PRORP: variants seen among roughly 807,000 people sequenced by gnomAD.
The protein encoded by PRORP is mitochondrial ribonuclease P catalytic subunit.
A neutral mutation model predicts 59.4 loss-of-function variants in PRORP; 51 were observed. That is an observed-to-expected ratio of 0.86 (90% CI 0.69 to 1.08). The LOEUF is 1.08. PRORP is among the 50% of genes least tolerant of loss of function. PRORP has a pLI of 0.00. For synonymous variants in PRORP, 231 were observed against 245.6 expected (o/e 0.94, Z 0.55); for missense variants, 646 against 690.3 (o/e 0.94, Z 0.72).
At chr14:35,141,456 C>CG in intron 4 of PRORP, among the ~76,000 whole-genome samples, 1 of 143,732 alleles carries the variant, frequency 7.0e-6, no homozygotes, top group African/African-American at 2.4e-5. Flanking sequence ...TCTGTAGAGA[C>CG]GGGGTCTCAC....
intron 5 of PRORP, chr14:35,235,075 A>G: frequency 2.4e-6 from 1 of 413,042 alleles, no homozygotes; most frequent in South Asian, 2.0e-5. Context: ...TTTCAATGTT[A>G]CCAGTAACCT....
rs946884319 is a variant in PRORP, at chr14:35,233,286, T to G, written c.1276-33441T>G. On this transcript the variant is annotated intron_variant, in intron 5 of 7. Transcript: ENST00000534898. ...GGCATTGCATAACTCTAGAGTATTA[T>G]TTTTCTACATCTCTCTTCCTAATAA... Among the ~76,000 whole-genome samples the G allele has an allele frequency of 9.3e-5, 14 of 150,098 alleles. 1 individual carries two copies. Among genetic ancestry groups the G allele is most frequent in the African/African-American group, 3.4e-4 (14 of 40,816 alleles).
intron 4 of PRORP, among the ~76,000 whole-genome samples, chr14:35,173,451 G>T (rs1478274140): frequency 6.6e-6 from 1 of 151,980 alleles, no homozygotes; most frequent in Non-Finnish European, 1.5e-5. Flanking sequence ...TTTTTTGCTG[G>T]GCTTCTTGGA....
At chr14:35,168,986 A>G (rs891385670) in intron 4 of PRORP, among the ~76,000 whole-genome samples, 1 of 147,468 alleles carries the variant, frequency 6.8e-6, no homozygotes, top group Non-Finnish European at 1.5e-5. Context: ...TATTTCTTTG[A>G]TTTCTGCTTA....
At position 35,275,883 on chromosome 14, in the gene PRORP, T is replaced by G. The variant is rs909298149; in HGVS notation, c.*2317T>G. 1.3e-5 allele frequency: 2 copies of G among 151,550 alleles called. No homozygotes were observed. Among genetic ancestry groups the G allele is most frequent in the African/African-American group, 4.9e-5 (2 of 41,200 alleles). The allele number at this position is 151,550 out of a possible 1,614,324, so 9.4% of individuals were successfully genotyped here. ...GTAACCTTAGAGCATGTAAAGTCCATTTTGGAGATGAGGAACAGACCCAGG... is the reference window on the plus strand; with the variant it reads ...GTAACCTTAGAGCATGTAAAGTCCAGTTTGGAGATGAGGAACAGACCCAGG... On this transcript the variant is annotated 3_prime_UTR_variant, in exon 8 of 8. Transcript: ENST00000534898.
intron 4 of PRORP, among the ~76,000 whole-genome samples, chr14:35,174,304 T>A (rs1335748600): frequency 6.6e-6 from 1 of 152,128 alleles, no homozygotes; most frequent in African/African-American, 2.4e-5. Flanking sequence ...TATCTAGAAT[T>A]TATATTATTA....
intron 4 of PRORP, among the ~76,000 whole-genome samples, chr14:35,130,278 C>T (rs1260359418): frequency 4.6e-5 from 7 of 151,698 alleles, no homozygotes; most frequent in Admixed American, 1.3e-4. Context: ...ATGATTTGCC[C>T]GCCTCGGCCT....
chr14:35,253,098 C>A (rs920118953), intron 5 of PRORP, among the ~76,000 whole-genome samples: 1 of 152,118 alleles, frequency 6.6e-6, no homozygotes, highest in Admixed American at 6.5e-5. Context: ...CTTTGGGAGG[C>A]CAAGGCAGGC....
chr14:35,142,319 A>C lies in PRORP; in HGVS notation c.1167+14708A>C, dbSNP rs955336766. Reference sequence around the variant, plus strand: ...TGTGAGCCACCACACCTGGAAGCTCATCCTGTAAATTATAAATTCATTGCT... The same window carrying C: ...TGTGAGCCACCACACCTGGAAGCTCCTCCTGTAAATTATAAATTCATTGCT... On this transcript the variant is annotated intron_variant, in intron 4 of 7. Transcript: ENST00000534898. 1.4e-5 allele frequency among the ~76,000 whole-genome samples: 2 copies of C among 139,310 alleles called. 1 individual carries two copies. The highest frequency in any genetic ancestry group is 3.1e-5 in the Non-Finnish European group (2 of 63,748). 91.4% of individuals were successfully genotyped at this position (139,310 alleles called of 152,430 possible).
In PRORP at chr14:35,215,577, C is replaced by T. The variant is rs527717037; in HGVS notation, c.1275+34800C>T. The stretch of plus-strand genomic sequence containing the variant: ...GAAACCAGCCTAAGCAACAAAGTGA[C>T]CGTGACTCAAAAAAAAAAATTAAAA... On this transcript the variant is annotated intron_variant, in intron 5 of 7. Transcript: ENST00000534898. 2.6e-5 allele frequency among the ~76,000 whole-genome samples: 4 copies of T among 152,100 alleles called. No homozygotes were observed. In the South Asian group the frequency reaches 8.3e-4, roughly 32 times the overall value.
At chr14:35,192,815 G>A (rs1245815374) in intron 5 of PRORP, among the ~76,000 whole-genome samples, 3 of 151,848 alleles carry the variant, frequency 2.0e-5, no homozygotes, top group East Asian at 1.9e-4. Flanking sequence ...CCAACACGGC[G>A]AAACCCTGTC....
intron 4 of PRORP, among the ~76,000 whole-genome samples, chr14:35,130,404 C>T (rs893251296): frequency 1.3e-5 from 2 of 151,916 alleles, no homozygotes; most frequent in African/African-American, 4.8e-5. Flanking sequence ...TTATAATATA[C>T]TATGTCTTTT....
chr14:35,200,774 CCA>C (rs2049128255), intron 5 of PRORP, among the ~76,000 whole-genome samples: 1 of 151,760 alleles, frequency 6.6e-6, no homozygotes, highest in African/African-American at 2.4e-5. Context: ...CTCATATACC[CCA>C]CACCCAGTTT....
chr14:35,264,140 T>A (rs868029692), intron 5 of PRORP, among the ~76,000 whole-genome samples: 3 of 152,062 alleles, frequency 2.0e-5, no homozygotes, highest in Non-Finnish European at 2.9e-5. Context: ...TTCATTCATT[T>A]TTTTTGAGAT....
chr14:35,181,278 A>G (rs1000773988), intron 5 of PRORP, among the ~76,000 whole-genome samples: 12 of 152,138 alleles, frequency 7.9e-5, no homozygotes, highest in Non-Finnish European at 1.5e-4. Context: ...ACTAGTTTCT[A>G]ATAAGACTAT....
chr14:35,188,715 C>A (rs756781883), intron 5 of PRORP, among the ~76,000 whole-genome samples: 2 of 151,710 alleles, frequency 1.3e-5, no homozygotes, highest in Non-Finnish European at 2.9e-5. Flanking sequence ...CCGTGGCTCA[C>A]GCCTGTAATC....
intron 5 of PRORP, among the ~76,000 whole-genome samples, chr14:35,190,734 G>A (rs1215096531): frequency 6.6e-6 from 1 of 151,952 alleles, no homozygotes; most frequent in Non-Finnish European, 1.5e-5. Context: ...TCAATCTCCT[G>A]ACCTCCTGAT....
At chr14:35,145,398 A>C (rs2138863059) in intron 4 of PRORP, among the ~76,000 whole-genome samples, 1 of 144,156 alleles carries the variant, frequency 6.9e-6, no homozygotes, top group South Asian at 2.3e-4. Flanking sequence ...GAAAAGGGGA[A>C]AATTTTTTTT....
intron 5 of PRORP, among the ~76,000 whole-genome samples, chr14:35,226,702 A>G (rs933857251): frequency 6.6e-6 from 1 of 152,154 alleles, no homozygotes; most frequent in Admixed American, 6.5e-5. Context: ...AATTGAAAAT[A>G]GATGGTTAAA....
Sources: allele counts gnomAD v4.1 joint callset (sites outside exome capture counted in the v4.1 genomes callset), GRCh38; gene constraint gnomAD v4.1.1; transcripts MANE v1.5; gene names NCBI Gene and HGNC (gene_info 2026-07-23, HGNC 2026-07-21).